Variants in PRRC2B observed in about 807,000 individuals in gnomAD.
The protein encoded by PRRC2B is protein PRRC2B.
Under a neutral mutation model 242.3 loss-of-function variants are expected in PRRC2B, and 68 were observed. The observed-to-expected ratio is 0.28, with a 90% CI of 0.23 to 0.34. The LOEUF (loss-of-function observed/expected upper bound fraction) is 0.34, where lower values mean the gene tolerates loss of function less well. Ranked by LOEUF, PRRC2B falls within the 10% of genes least tolerant of loss-of-function variation. The probability of loss-of-function intolerance (pLI) is 1.00; values close to 1 mark genes in which losing one functional copy is unlikely to be tolerated. For missense variants in PRRC2B, 2,835 were observed against 2,954.8 expected (o/e 0.96, Z 0.94); for synonymous variants, 1,228 against 1,173.6 (o/e 1.05, Z -0.95).
intron 1 of PRRC2B, among the ~76,000 whole-genome samples, chr9:131,384,956 T>G (rs1836808898): frequency 6.6e-6 from 1 of 151,702 alleles, no homozygotes; most frequent in South Asian, 2.1e-4. Flanking sequence ...CTGGAGAGAG[T>G]GGGCATGAAC....
Position 131,387,305 on chromosome 9 carries a change from GTC to G in PRRC2B, c.-56+13586_-56+13587del, listed in dbSNP as rs200181532. Among the ~76,000 whole-genome samples, 1,486 of 149,920 alleles carry G rather than the reference GTC, an allele frequency of 9.9e-3. 87 individuals are homozygous for G. Among genetic ancestry groups the G allele is most frequent in the Non-Finnish European group, 0.017 (1,166 of 67,398 alleles). ...CGTGAGCCACCGCGCCCGGCCACCT[GTC>G]TCTCTCTCTCTTAGTTTTCTGCCTG... is the stretch of plus-strand genomic sequence containing the variant. On this transcript the variant is annotated intron_variant, in intron 1 of 1. Coordinates refer to the PRRC2B transcript ENST00000682525.
chr9:131,434,644 C>A (rs1838284180), intron 3 of PRRC2B, among the ~76,000 whole-genome samples: 1 of 152,208 alleles, frequency 6.6e-6, no homozygotes, highest in Non-Finnish European at 1.5e-5. Flanking sequence ...TGGTGAGTTG[C>A]CTGGGTCAGG....
intron 31 of PRRC2B, 37 bp from the exon 32 acceptor site, chr9:131,495,703 C>T: frequency 6.3e-7 from 1 of 1,587,950 alleles, no homozygotes; most frequent in Non-Finnish European, 8.6e-7. Context: ...GTTTCAGCGT[C>T]AGGGTCACTT....
chr9:131,423,027 A>G (rs1289184310), intron 1 of PRRC2B, among the ~76,000 whole-genome samples: 1 of 152,194 alleles, frequency 6.6e-6, no homozygotes, highest in African/African-American at 2.4e-5. Context: ...AAGGGGGCAC[A>G]TAGGCTGGAC....
rs1378310855 is a variant in PRRC2B at position 131,446,274 on chromosome 9, T to G, written c.614-127T>G. ...TGACAGATTTAACAGTTCTTCACTT[T>G]TGGTGTTTTTTGTTTTTCATTTTAT... On this transcript the variant is annotated intron_variant, in intron 6 of 31. Coordinates refer to ENST00000683519, the MANE Select transcript of PRRC2B (RefSeq NM_013318.4). The surrounding 1 kb of genome is among the most constrained non-coding windows in gnomAD (Gnocchi z 4.1). 1 of 1,143,322 alleles carries G rather than the reference T, an allele frequency of 8.7e-7. No homozygotes were observed. Among genetic ancestry groups the G allele is most frequent in the Non-Finnish European group, 1.2e-6 (1 of 822,604 alleles). The allele number at this position is 1,143,322 out of a possible 1,614,324, so 70.8% of individuals were successfully genotyped here. A position where few individuals can be genotyped will look rare whatever the true frequency, so the allele number is the denominator to read the frequency against.
At chr9:131,391,028 G>A (rs1220359409), upstream of PRRC2B, among the ~76,000 whole-genome samples, 3 of 150,330 alleles carry the variant, frequency 2.0e-5, no homozygotes, top group Non-Finnish European at 4.4e-5. Flanking sequence ...CAAGTGATCT[G>A]CCCACCTCAG....
intron 2 of PRRC2B, among the ~76,000 whole-genome samples, chr9:131,431,036 C>T (rs998459533): frequency 6.6e-6 from 1 of 151,310 alleles, no homozygotes; most frequent in Non-Finnish European, 1.5e-5. Context: ...GTGCAACCTT[C>T]ACCTCCTAGG....
chr9:131,433,749 C>A (rs760465681), intron 3 of PRRC2B, among the ~76,000 whole-genome samples: 6 of 152,194 alleles, frequency 3.9e-5, no homozygotes, highest in Non-Finnish European at 7.3e-5. Flanking sequence ...AGCCTGCTGA[C>A]CCCAGCATCC....
At chr9:131,415,409 T>A (rs1837621099) in intron 1 of PRRC2B, among the ~76,000 whole-genome samples, 1 of 152,194 alleles carries the variant, frequency 6.6e-6, no homozygotes, top group African/African-American at 2.4e-5. Flanking sequence ...GGGCTTCTCT[T>A]AGGCCAGGCC....
chr9:131,488,610 C>T (rs1417448253), intron 28 of PRRC2B, among the ~76,000 whole-genome samples: 1 of 152,194 alleles, frequency 6.6e-6, no homozygotes, highest in East Asian at 1.9e-4. Context: ...CTAAGCACTG[C>T]CTGCTCCTGC....
intron 15 of PRRC2B, among the ~76,000 whole-genome samples, chr9:131,474,158 A>G (rs1434060452): frequency 6.6e-6 from 1 of 152,034 alleles, no homozygotes; most frequent in African/African-American, 2.4e-5. Context: ...CTCTGTCTCC[A>G]GGGGGCACAC....
At chr9:131,379,344 G>A (rs1836725975) in intron 1 of PRRC2B, among the ~76,000 whole-genome samples, 1 of 152,168 alleles carries the variant, frequency 6.6e-6, no homozygotes, top group African/African-American at 2.4e-5. Context: ...AGAATTCTGT[G>A]TTTAACTCTG....
At chr9:131,478,797 A>G (rs1184545408) in intron 18 of PRRC2B, among the ~76,000 whole-genome samples, 178 bp downstream of exon 18, 2 of 152,160 alleles carry the variant, frequency 1.3e-5, no homozygotes, top group East Asian at 3.9e-4. Context: ...AGGCCCTTCT[A>G]TCAATGTAGG....
intron 1 of PRRC2B, among the ~76,000 whole-genome samples, chr9:131,380,139 T>G (rs1836737245): frequency 6.6e-6 from 1 of 151,016 alleles, no homozygotes; most frequent in Non-Finnish European, 1.5e-5. Context: ...ACTACAGGTG[T>G]GCACCACCAC....
At position 131,462,836 on chromosome 9, in the gene PRRC2B, T is replaced by TGAAAA. The variant is rs1554763506; in HGVS notation, c.1405-1927_1405-1926insGAAAA. On this transcript the variant is annotated intron_variant, in intron 11 of 31. Coordinates refer to ENST00000683519, the MANE Select transcript of PRRC2B (RefSeq NM_013318.4). ...CTGGGTGACAGAGTGAGACTCCGTC[T>TGAAAA]AAAAAAAAAAAAAAAAAAAAGGTCT... Among the ~76,000 whole-genome samples the TGAAAA allele has an allele frequency of 9.6e-3, 790 of 81,924 alleles. 13 individuals are homozygous for TGAAAA. The highest frequency in any genetic ancestry group is 0.013 in the Non-Finnish European group (567 of 44,522). The allele number at this position is 81,924 out of a possible 152,430, so 53.7% of individuals were successfully genotyped here.
upstream of PRRC2B, among the ~76,000 whole-genome samples, chr9:131,393,731 G>A (rs1167945344): frequency 2.2e-4 from 18 of 83,582 alleles, no homozygotes; most frequent in African/African-American, 8.7e-4. Flanking sequence ...CCCTTCCCCC[G>A]GGCCCAGGCC....
intron 28 of PRRC2B, among the ~76,000 whole-genome samples, chr9:131,490,188 G>A (rs1944147866): frequency 6.6e-6 from 1 of 151,584 alleles, no homozygotes; most frequent in Admixed American, 6.6e-5. Flanking sequence ...CGGTCCTTCT[G>A]CTTGTCCAGT....
At position 131,444,283 on chromosome 9, in the gene PRRC2B, G is replaced by A. The variant is rs1199044980; in HGVS notation, c.568G>A (p.Val190Ile). Residue 190 changes from valine (V) to isoleucine (I), a missense_variant, in exon 6 of 32, where the codon GTC becomes ATC. Around this residue, in one of 7 missense-constraint regions of PRRC2B, gnomAD observed 626 missense variants for 685.5 expected, o/e 0.91. Coordinates refer to ENST00000683519, the MANE Select transcript of PRRC2B (RefSeq NM_013318.4). Reference protein sequence around the residue: ...GQDKAGKEKGVLDLSYGPGPS... With the variant: ...GQDKAGKEKGILDLSYGPGPS... ...GGACAAGGCTGGCAAAGAAAAGGGC[G>A]TCTTAGATCTGTCGTATGGGCCAGG... The A allele has an allele frequency of 9.3e-6, 15 of 1,613,538 alleles. No homozygotes were observed. The highest frequency in any genetic ancestry group is 6.7e-5 in the East Asian group (3 of 44,892).
chr9:131,483,200 GTGGGGAAAATC>G (rs1554765796), intron 22 of PRRC2B, among the ~76,000 whole-genome samples, 148 bp from the exon 23 acceptor site: 2 of 152,192 alleles, frequency 1.3e-5, no homozygotes, highest in Non-Finnish European at 1.5e-5. Flanking sequence ...CTCCTGTGCC[GTGGGGAAAATC>G]TGGCCATCTC....
Sources: gnomAD v4.1 joint callset for allele counts (sites outside exome capture counted in the v4.1 genomes callset) on GRCh38, gnomAD v4.1.1 for gene constraint, gnomAD v4.1.1 regional missense constraint, Gnocchi (gnomAD v3.1) non-coding constraint, MANE v1.5 for transcripts, NCBI Gene and HGNC (gene_info 2026-07-23, HGNC 2026-07-21) for gene names.